The following ARHGEF1 variants were observed in gnomAD, a reference collection of about 807,000 sequenced individuals.
ARHGEF1 encodes 115 kDa guanine nucleotide exchange factor.
ARHGEF1 carries 40 observed loss-of-function variants against 119.7 expected under a neutral mutation model. The observed-to-expected ratio is 0.33, with a 90% CI of 0.26 to 0.44. The LOEUF (loss-of-function observed/expected upper bound fraction) is 0.44. ARHGEF1 is among the 20% of genes least tolerant of loss of function. ARHGEF1 has a pLI of 1.00. For synonymous variants in ARHGEF1, 494 were observed against 521.0 expected (o/e 0.95, Z 0.71); for missense variants, 976 against 1,268.3 (o/e 0.77, Z 3.50).
chr19:41,928,323 T>C (rs1171618326), intron 1 of ARHGEF1: 2 of 151,816 alleles, frequency 1.3e-5, no homozygotes, highest in African/African-American at 2.4e-5. Context: ...GACAGCGAGA[T>C]AGACGCGCAA....
intron 13 of ARHGEF1, chr19:41,898,085 G>C: frequency 7.3e-7 from 1 of 1,362,254 alleles, no homozygotes; most frequent in Non-Finnish European, 9.4e-7. Flanking sequence ...TTCCGCCACG[G>C]CAGTGCTTGG....
chr19:41,900,799 T>G (rs1316123806), intron 14 of ARHGEF1: 2 of 147,702 alleles, frequency 1.4e-5, no homozygotes, highest in South Asian at 2.2e-4. Context: ...TTTTTTTTTT[T>G]TTTTTTTTTT....
At chr19:41,926,631 T>C (rs185688279) in intron 1 of ARHGEF1, among the ~76,000 whole-genome samples, 2,110 of 151,612 alleles carry the variant, frequency 0.014, 43 homozygotes, top group African/African-American at 0.045. Flanking sequence ...AGGCGAGGCC[T>C]GGCCTGCTGG....
intron 18 of ARHGEF1, among the ~76,000 whole-genome samples, chr19:41,914,007 C>T (rs1303992118): frequency 1.3e-5 from 2 of 151,292 alleles, no homozygotes; most frequent in Non-Finnish European, 2.9e-5. Context: ...CCCCACTGCT[C>T]CCATGCGCCC....
In ARHGEF1 at chr19:41,896,385, G is replaced by C. The variant is rs200492200; in HGVS notation, c.1024G>C (p.Ala342Pro). The change falls in exon 13 of 29, where the codon GCC becomes CCC. Residue 342 changes from alanine to proline, a missense_variant. Physicochemically the swap from Ala to Pro is conservative, Grantham distance 27. This residue lies in a region of ARHGEF1 where 519 missense variants were observed against 580.9 expected (regional missense o/e 0.89). Transcript: ENST00000354532. ...DSPDREPGAD[A>P]PLELGDSSPQ... is the part of the protein sequence containing the mutation. ...CTCCCTCCACCCCACAGGTGCTGAC[G>C]CCCCCCTGGAGCTGGGGGACTCATC... 7 of 1,428,226 alleles carry C rather than the reference G, an allele frequency of 4.9e-6. No individual in the cohort carries two copies. Among genetic ancestry groups the C allele is most frequent in the Non-Finnish European group, 6.4e-6 (7 of 1,088,534 alleles). 88.5% of individuals were successfully genotyped at this position (1,428,226 alleles called of 1,614,324 possible).
At chr19:41,909,231 G>A, downstream of ARHGEF1, 2 of 1,230,406 alleles carry the variant, frequency 1.6e-6, no homozygotes, top group Non-Finnish European at 2.0e-6. The surrounding 1 kb of genome is among the most constrained non-coding windows in gnomAD (Gnocchi z 5.2). Context: ...TCCCCAGAGT[G>A]GGCACCAAGT....
At chr19:41,911,872 C>T (rs1348109535), downstream of ARHGEF1, among the ~76,000 whole-genome samples, 3 of 151,358 alleles carry the variant, frequency 2.0e-5, no homozygotes, top group South Asian at 4.1e-4. Context: ...AGTAGGCAGA[C>T]ACACACATGT....
At chr19:41,913,894 C>T (rs1465640002) in intron 18 of ARHGEF1, among the ~76,000 whole-genome samples, 1 of 151,016 alleles carries the variant, frequency 6.6e-6, no homozygotes, top group Non-Finnish European at 1.5e-5. Flanking sequence ...TCAGGCACTT[C>T]AGCCCCTCAC....
chr19:41,886,316 G>A (rs930589137), intron 1 of ARHGEF1, among the ~76,000 whole-genome samples: 3 of 152,246 alleles, frequency 2.0e-5, no homozygotes, highest in African/African-American at 7.2e-5. Context: ...CTTGGCAAGT[G>A]CACAGTTCCA....
Position 41,903,514 on chromosome 19 carries a change from C to T in ARHGEF1, c.1839+107C>T. The T allele has an allele frequency of 8.9e-7, 1 of 1,123,760 alleles. No homozygotes were observed. Among genetic ancestry groups the T allele is most frequent in the Non-Finnish European group, 1.2e-6 (1 of 813,674 alleles). The allele number at this position is 1,123,760 out of a possible 1,614,324, so 69.6% of individuals were successfully genotyped here. ...TCACACCCCACCCCTTGGCTTGTCT[C>T]CCTCAAGGGTCACTGTGTCCAGGGG... On this transcript the variant is annotated intron_variant, in intron 19 of 28. Coordinates refer to ENST00000354532, the MANE Select transcript of ARHGEF1 (RefSeq NM_004706.4). This position sits in a 1 kb window ranked among gnomAD's most constrained non-coding sequence, Gnocchi z 4.2.
intron 18 of ARHGEF1, among the ~76,000 whole-genome samples, chr19:41,913,150 C>T (rs1599672809): frequency 2.0e-5 from 3 of 152,024 alleles, no homozygotes; most frequent in Admixed American, 2.0e-4. Flanking sequence ...CTCCCAGCCT[C>T]TCCTCCCGCA....
chr19:41,887,373 C>T (rs952832945), intron 1 of ARHGEF1, among the ~76,000 whole-genome samples: 12 of 152,074 alleles, frequency 7.9e-5, no homozygotes, highest in African/African-American at 1.7e-4. Context: ...AGGGGACAGA[C>T]GCACCTTGGA....
Position 41,902,936 on chromosome 19 carries a change from C to G in ARHGEF1, c.1738+38C>G. 1 of 1,267,874 alleles carries G rather than the reference C, an allele frequency of 7.9e-7. No individual in the cohort carries two copies. The highest frequency in any genetic ancestry group is 1.5e-5 in the African/African-American group (1 of 64,708). The allele number at this position is 1,267,874 out of a possible 1,614,324, so 78.5% of individuals were successfully genotyped here. On this transcript the variant is annotated intron_variant, in intron 18 of 28. Transcript: ENST00000354532. The surrounding 1 kb of genome is among the most constrained non-coding windows in gnomAD (Gnocchi z 6.5). The stretch of plus-strand genomic sequence containing the variant: ...TGGATCTCTGGGCCTCGGCTCTCCT[C>G]TTTTTTTTTTACATTTTTTTTCTCA...
At chr19:41,915,856 C>T (rs1455375965) in intron 18 of ARHGEF1, among the ~76,000 whole-genome samples, 2 of 152,216 alleles carry the variant, frequency 1.3e-5, no homozygotes, top group Non-Finnish European at 1.5e-5. Flanking sequence ...CAAACAGGGC[C>T]TGGCAGGACG....
chr19:41,884,890 G>A (rs1223861530), intron 1 of ARHGEF1, among the ~76,000 whole-genome samples: 1 of 152,108 alleles, frequency 6.6e-6, no homozygotes, highest in Admixed American at 6.5e-5. Flanking sequence ...ATGATCCCTG[G>A]ATCCTTTAGA....
intron 18 of ARHGEF1, among the ~76,000 whole-genome samples, chr19:41,915,202 C>T (rs1434685430): frequency 7.0e-6 from 1 of 142,560 alleles, no homozygotes; most frequent in African/African-American, 2.6e-5. Context: ...CTTTCAACTC[C>T]CCGCCGCCTC....
rs201233515 is a variant in ARHGEF1, at chr19:41,905,440, GTA to G, written c.2336+181_2336+182del. On this transcript the variant is annotated intron_variant, in intron 24 of 28. Transcript: ENST00000354532. This position sits in a 1 kb window ranked among gnomAD's most constrained non-coding sequence, Gnocchi z 6.4. Reference sequence around the variant, plus strand: ...GACTGTGCGTGCATATATAGTGTGTGTATGCATGCATGTGTGCGTGTGCATGT... The same window carrying G: ...GACTGTGCGTGCATATATAGTGTGTGTGCATGCATGTGTGCGTGTGCATGT... The G allele has an allele frequency of 4.2e-3, 2,670 of 634,264 alleles. 47 individuals are homozygous for G. The highest frequency in any genetic ancestry group is 0.042 in the African/African-American group (2,272 of 54,564). 39.3% of individuals were successfully genotyped at this position (634,264 alleles called of 1,614,324 possible). A position where few individuals can be genotyped will look rare whatever the true frequency, so the allele number is the denominator to read the frequency against.
intron 12 of ARHGEF1, 81 bp downstream of exon 12, chr19:41,895,567 A>G (rs2074470594): frequency 2.1e-6 from 3 of 1,448,354 alleles, no homozygotes; most frequent in African/African-American, 1.4e-5. Context: ...GCACCCCCAG[A>G]TAGAAGCCAT....
intron 14 of ARHGEF1, among the ~76,000 whole-genome samples, chr19:41,899,307 G>A: frequency 6.6e-6 from 1 of 152,202 alleles, no homozygotes; most frequent in Non-Finnish European, 1.5e-5. Flanking sequence ...GCATTTTAAT[G>A]AGATTGTTGT....
Sources: allele counts gnomAD v4.1 joint callset (sites outside exome capture counted in the v4.1 genomes callset), GRCh38; gene constraint gnomAD v4.1.1; regional missense constraint gnomAD v4.1.1; non-coding constraint Gnocchi (gnomAD v3.1); transcripts MANE v1.5; gene names NCBI Gene and HGNC (gene_info 2026-07-23, HGNC 2026-07-21).